Variants in ZNF462 observed in about 807,000 individuals in gnomAD.
ZNF462 encodes zinc finger protein 462.
In ZNF462, 10 loss-of-function variants were observed where a neutral mutation model predicts 201.9. The ratio of observed to expected loss-of-function variants is 0.05; its 90% CI spans 0.03 to 0.08. The LOEUF is 0.08. Among genes scored for constraint, ZNF462 ranks in the 10% least tolerant of loss-of-function variants. The pLI, the probability that ZNF462 is intolerant of heterozygous loss-of-function variation, is 1.00. For missense variants in ZNF462, 2,523 were observed against 3,168.3 expected, an observed-to-expected ratio of 0.80 and a Z score of 4.89; for synonymous variants, 1,227 against 1,193.3, an observed-to-expected ratio of 1.03 and a Z score of -0.58.
At position 106,966,219 on chromosome 9, in the gene ZNF462, C is replaced by T. The variant is rs1832063857; in HGVS notation, c.6428-5786C>T. ...TAGAACTTGGCGATTTTAAATTGTC[C>T]CTTACACAACCTACCCCACCCTCTG... On this transcript the variant is annotated intron_variant, in intron 7 of 12. Coordinates refer to ENST00000277225, the MANE Select transcript of ZNF462 (RefSeq NM_021224.6). The surrounding 1 kb of genome is among the most constrained non-coding windows in gnomAD (Gnocchi z 4.4). Among the ~76,000 whole-genome samples the T allele has an allele frequency of 6.6e-6, 1 of 151,940 alleles. No homozygotes were observed. Among genetic ancestry groups the T allele is most frequent in the Non-Finnish European group, 1.5e-5 (1 of 67,962 alleles).
In ZNF462 at chr9:107,003,762, G is replaced by A. The variant is rs1222609545; in HGVS notation, c.7189+336G>A. ...AGACAGCAAGATGGATGACACTGTA[G>A]AGCTCTAGAGGAATGAGAATGAACT... On this transcript the variant is annotated intron_variant, in intron 11 of 12. Transcript: ENST00000277225. This position sits in a 1 kb window ranked among gnomAD's most constrained non-coding sequence, Gnocchi z 4.4. 6.6e-6 allele frequency among the ~76,000 whole-genome samples: 1 copy of A among 152,108 alleles called. No homozygotes were observed. The highest frequency in any genetic ancestry group is 1.5e-5 in the Non-Finnish European group (1 of 68,030).
chr9:106,893,773 T>C (rs969744989), intron 1 of ZNF462, among the ~76,000 whole-genome samples: 5 of 152,314 alleles, frequency 3.3e-5, no homozygotes, highest in African/African-American at 1.2e-4. Flanking sequence ...TTTATTGTTA[T>C]TTCTATTTAG....
intron 1 of ZNF462, among the ~76,000 whole-genome samples, chr9:106,873,194 A>G (rs1034558025): frequency 2.4e-4 from 37 of 152,216 alleles, no homozygotes; most frequent in Admixed American, 1.4e-3. Flanking sequence ...TGGAAAATTA[A>G]TTGTAATATA....
At chr9:106,864,068 CT>C (rs1827193203) in intron 1 of ZNF462, among the ~76,000 whole-genome samples, 3 of 119,644 alleles carry the variant, frequency 2.5e-5, no homozygotes, top group Admixed American at 1.7e-4. Context: ...CTCTCTCTCT[CT>C]CTCTCTCTCT....
At position 106,876,289 on chromosome 9, in the gene ZNF462, C is replaced by T. The variant is rs1205864926; in HGVS notation, c.-31+12934C>T. On this transcript the variant is annotated intron_variant, in intron 1 of 12. Transcript: ENST00000277225. This position sits in a 1 kb window ranked among gnomAD's most constrained non-coding sequence, Gnocchi z 4.9. ...AAAAAATAATATGTGTCTAAGAGTC[C>T]TGGCTCATAATGGCCAGGAAGGAAG... 2.0e-5 allele frequency among the ~76,000 whole-genome samples: 3 copies of T among 152,174 alleles called. No individual in the cohort carries two copies. Among genetic ancestry groups the T allele is most frequent in the Non-Finnish European group, 4.4e-5 (3 of 68,030 alleles).
rs1829554016 is a variant in ZNF462, at chr9:107,006,493, T to C, written c.7190-3052T>C. 6.6e-6 allele frequency among the ~76,000 whole-genome samples: 1 copy of C among 152,200 alleles called. No individual in the cohort carries two copies. Among genetic ancestry groups the C allele is most frequent in the Admixed American group, 6.5e-5 (1 of 15,274 alleles). The stretch of plus-strand genomic sequence containing the variant: ...GTGCTTCGAGTAGTGTAATCTTCAC[T>C]GAAGGGGACCTGACCCTGAAATCTG... On this transcript the variant is annotated intron_variant, in intron 11 of 12. Coordinates refer to ENST00000277225, the MANE Select transcript of ZNF462 (RefSeq NM_021224.6). This position sits in a 1 kb window ranked among gnomAD's most constrained non-coding sequence, Gnocchi z 4.3.
chr9:106,994,582 G>A (rs1501414), intron 10 of ZNF462, among the ~76,000 whole-genome samples: 3 of 152,082 alleles, frequency 2.0e-5, no homozygotes, highest in Admixed American at 1.3e-4. Context: ...GCAAGCTGAA[G>A]GCTTCTCTAG....
chr9:107,009,729 G>A lies in ZNF462; in HGVS notation c.7313+61G>A. On this transcript the variant is annotated intron_variant, in intron 12 of 12. Transcript: ENST00000277225. The surrounding 1 kb of genome is among the most constrained non-coding windows in gnomAD (Gnocchi z 6.1). The stretch of plus-strand genomic sequence containing the variant: ...AGCAAGAGGTAGGGAGGGAGGGAGG[G>A]GCTCTTGTTTTGGTTCCCCTGACAG... 3 of 1,497,680 alleles carry A rather than the reference G, an allele frequency of 2.0e-6. No homozygotes were observed. Among genetic ancestry groups the A allele is most frequent in the Non-Finnish European group, 2.8e-6 (3 of 1,084,440 alleles). 92.8% of individuals were successfully genotyped at this position (1,497,680 alleles called of 1,614,324 possible).
chr9:106,984,452 G>A lies in ZNF462; in HGVS notation c.7056+43G>A, dbSNP rs1329661590. ...CTGCTCCCGCCTCAGCACACTTGTG[G>A]GGAGGGGCCAAGGGGGAGACACCAC... is the stretch of plus-strand genomic sequence containing the variant. On this transcript the variant is annotated intron_variant, in intron 10 of 12. Coordinates refer to ENST00000277225, the MANE Select transcript of ZNF462 (RefSeq NM_021224.6). The surrounding 1 kb of genome is among the most constrained non-coding windows in gnomAD (Gnocchi z 6.4). The A allele has an allele frequency of 4.6e-6, 7 of 1,526,866 alleles. No homozygotes were observed. The highest frequency in any genetic ancestry group is 5.4e-6 in the Non-Finnish European group (6 of 1,118,084). 94.6% of individuals were successfully genotyped at this position (1,526,866 alleles called of 1,614,324 possible). A position where few individuals can be genotyped will look rare whatever the true frequency, so the allele number is the denominator to read the frequency against.
rs368065999 is a variant in ZNF462, at chr9:107,003,257, G to A, written c.7057-37G>A. ...TCAGGGAGAACCCCATTTGGTCTGC[G>A]GTTTATTATTCCATCATTTGTTTGG... On this transcript the variant is annotated intron_variant, in intron 10 of 12. Transcript: ENST00000277225. This position sits in a 1 kb window ranked among gnomAD's most constrained non-coding sequence, Gnocchi z 4.4. 25 of 1,611,154 alleles carry A rather than the reference G, an allele frequency of 1.6e-5. No individual in the cohort carries two copies. Among genetic ancestry groups the A allele is most frequent in the Admixed American group, 6.7e-5 (4 of 59,644 alleles).
chr9:106,871,551 C>G (rs1017323382), intron 1 of ZNF462, among the ~76,000 whole-genome samples: 1 of 152,090 alleles, frequency 6.6e-6, no homozygotes, highest in Admixed American at 6.5e-5. Flanking sequence ...GCGATTATAG[C>G]AAGTAGAAAA....
At chr9:106,868,136 A>G (rs1409431332) in intron 1 of ZNF462, among the ~76,000 whole-genome samples, 1 of 151,938 alleles carries the variant, frequency 6.6e-6, no homozygotes, top group African/African-American at 2.4e-5. Context: ...ATACTTATGG[A>G]GTATGATGGC....
intron 10 of ZNF462, among the ~76,000 whole-genome samples, chr9:107,002,484 T>C (rs1433458888): frequency 6.6e-6 from 1 of 152,214 alleles, no homozygotes; most frequent in African/African-American, 2.4e-5. Context: ...AATTTTGTGC[T>C]GCCATTGATC....
intron 1 of ZNF462, among the ~76,000 whole-genome samples, chr9:106,918,215 C>T (rs967292230): frequency 2.0e-5 from 3 of 152,074 alleles, no homozygotes; most frequent in Non-Finnish European, 2.9e-5. Context: ...GAGATAGTAC[C>T]GATGTCATTT....
At chr9:106,889,176 T>G (rs1463787899) in intron 1 of ZNF462, among the ~76,000 whole-genome samples, 1 of 152,188 alleles carries the variant, frequency 6.6e-6, no homozygotes. Flanking sequence ...ATTGGCCTAA[T>G]GGGGCACCTA....
chr9:106,958,107 G>T (rs1831662912), intron 7 of ZNF462, among the ~76,000 whole-genome samples: 1 of 152,056 alleles, frequency 6.6e-6, no homozygotes, highest in East Asian at 1.9e-4. Flanking sequence ...ACAAAATGTG[G>T]AATCGTGGGG....
Position 107,009,324 on chromosome 9 carries a change from G to GA in ZNF462, c.7190-218dup. The GA allele has an allele frequency of 1.9e-6, 1 of 531,560 alleles. No individual in the cohort carries two copies. The highest frequency in any genetic ancestry group is 3.1e-5 in the East Asian group (1 of 32,388). The allele number at this position is 531,560 out of a possible 1,614,324, so 32.9% of individuals were successfully genotyped here. A position where few individuals can be genotyped will look rare whatever the true frequency, so the allele number is the denominator to read the frequency against. On this transcript the variant is annotated intron_variant, in intron 11 of 12. Coordinates refer to ENST00000277225, the MANE Select transcript of ZNF462 (RefSeq NM_021224.6). The surrounding 1 kb of genome is among the most constrained non-coding windows in gnomAD (Gnocchi z 6.1). The stretch of plus-strand genomic sequence containing the variant: ...GATAGAAGCATTGGGGAGGTGAGGC[G>GA]AAATGAGGTCTTGGGGCCCAAGAAC...
At chr9:106,999,249 C>T (rs1828987274) in intron 10 of ZNF462, among the ~76,000 whole-genome samples, 1 of 151,966 alleles carries the variant, frequency 6.6e-6, no homozygotes, top group African/African-American at 2.4e-5. Flanking sequence ...ATGTCATCTG[C>T]ATCATCAAGG....
chr9:106,930,843 A>G lies in ZNF462; in HGVS notation c.6012+154A>G. 3 of 886,784 alleles carry G rather than the reference A, an allele frequency of 3.4e-6. No individual in the cohort carries two copies. The highest frequency in any genetic ancestry group is 1.7e-5 in the African/African-American group (1 of 59,556). The allele number at this position is 886,784 out of a possible 1,614,324, so 54.9% of individuals were successfully genotyped here. A position where few individuals can be genotyped will look rare whatever the true frequency, so the allele number is the denominator to read the frequency against. On this transcript the variant is annotated intron_variant, in intron 4 of 12. Coordinates refer to ENST00000277225, the MANE Select transcript of ZNF462 (RefSeq NM_021224.6). This position sits in a 1 kb window ranked among gnomAD's most constrained non-coding sequence, Gnocchi z 5.8. ...GTTTGGCTTGTTTTGATTTCTTTGC[A>G]GGTTGGACCTTCCTCATCTTTCTGT...
Sources: allele counts gnomAD v4.1 joint callset (sites outside exome capture counted in the v4.1 genomes callset), GRCh38; gene constraint gnomAD v4.1.1; non-coding constraint Gnocchi (gnomAD v3.1); transcripts MANE v1.5; gene names NCBI Gene and HGNC (gene_info 2026-07-23, HGNC 2026-07-21).